CMIP: variants seen among roughly 807,000 people sequenced by gnomAD.
CMIP encodes the protein c-Maf inducing protein, also known as C-Maf-inducing protein.
CMIP carries 13 observed loss-of-function variants against 97.3 expected under a neutral mutation model. The ratio of observed to expected loss-of-function variants is 0.13; its 90% CI spans 0.09 to 0.21. The LOEUF (loss-of-function observed/expected upper bound fraction) is 0.21. CMIP is among the 10% of genes least tolerant of loss of function. The probability of loss-of-function intolerance (pLI) is 1.00; values close to 1 mark genes in which losing one functional copy is unlikely to be tolerated. For synonymous variants in CMIP, 538 were observed against 436.3 expected, an observed-to-expected ratio of 1.23 and a Z score of -2.91; for missense variants, 847 against 1,024.9, an observed-to-expected ratio of 0.83 and a Z score of 2.37.
intron 1 of CMIP, among the ~76,000 whole-genome samples, chr16:81,542,909 C>A (rs1314440695): frequency 6.6e-6 from 1 of 152,236 alleles, no homozygotes; most frequent in Admixed American, 6.5e-5. Flanking sequence ...GTCCCTAGCA[C>A]GGAAGAACAG....
In CMIP at chr16:81,678,635, G is replaced by C. The variant is rs1904532161; in HGVS notation, c.1388+7G>C. 1.5e-6 allele frequency: 2 copies of C among 1,369,286 alleles called. No homozygotes were observed. Among genetic ancestry groups the C allele is most frequent in the African/African-American group, 1.4e-5 (1 of 70,262 alleles). The allele number at this position is 1,369,286 out of a possible 1,614,324, so 84.8% of individuals were successfully genotyped here. On this transcript the variant is annotated splice_region_variant and intron_variant, in intron 10 of 20. Transcript: ENST00000537098. ...TGGAAATCCTCAAGCTGCTGTGAGT[G>C]CCCCCCCCGCGTGCCCGCCCCCGGG...
At position 81,568,039 on chromosome 16, in the gene CMIP, G is replaced by GTTT. The variant is rs1555531346; in HGVS notation, c.301-39509_301-39507dup. On this transcript the variant is annotated intron_variant, in intron 1 of 20. Coordinates refer to ENST00000537098, the MANE Select transcript of CMIP (RefSeq NM_198390.3). ...TGAGCTTTTCAGTGTGTGTGTGTGTGTTTTTTTTTTTTTTTTTTTTTGAAG... is the reference window on the plus strand; with the variant it reads ...TGAGCTTTTCAGTGTGTGTGTGTGTGTTTTTTTTTTTTTTTTTTTTTTTTGAAG... Among the ~76,000 whole-genome samples the GTTT allele has an allele frequency of 1.5e-4, 12 of 82,534 alleles. 1 individual carries two copies. Among genetic ancestry groups the GTTT allele is most frequent in the Admixed American group, 4.0e-4 (3 of 7,478 alleles). The allele number at this position is 82,534 out of a possible 152,430, so 54.1% of individuals were successfully genotyped here. A position where few individuals can be genotyped will look rare whatever the true frequency, so the allele number is the denominator to read the frequency against.
At chr16:81,545,372 T>A (rs2090526857) in intron 1 of CMIP, among the ~76,000 whole-genome samples, 1 of 152,126 alleles carries the variant, frequency 6.6e-6, no homozygotes, top group Admixed American at 6.5e-5. Flanking sequence ...CTTCTCGCAG[T>A]GAAGGAGCAG....
In CMIP at chr16:81,471,578, T is replaced by TACAC. The variant is rs59971597; in HGVS notation, c.300+26049_300+26052dup. Among the ~76,000 whole-genome samples, 385 of 151,580 alleles carry TACAC rather than the reference T, an allele frequency of 2.5e-3. 4 individuals are homozygous for TACAC. Among genetic ancestry groups the TACAC allele is most frequent in the African/African-American group, 8.4e-3 (348 of 41,332 alleles). On this transcript the variant is annotated intron_variant, in intron 1 of 20. Transcript: ENST00000537098. ...GTGCACACACACATGCATACACAAA[T>TACAC]ACACACACACACACAGTTATACAGT...
intron 1 of CMIP, among the ~76,000 whole-genome samples, chr16:81,474,735 TC>T (rs1211050218): frequency 1.3e-5 from 2 of 152,192 alleles, no homozygotes; most frequent in African/African-American, 2.4e-5. Flanking sequence ...CTCCTGGGGC[TC>T]CCTCTCCTCT....
Position 81,445,094 on chromosome 16 carries a change from C to T in CMIP, c.-148C>T, listed in dbSNP as rs1905742461. 6.4e-6 allele frequency: 2 copies of T among 310,804 alleles called. No individual in the cohort carries two copies. The highest frequency in any genetic ancestry group is 1.2e-5 in the Non-Finnish European group (2 of 172,388). The allele number at this position is 310,804 out of a possible 1,614,324, so 19.3% of individuals were successfully genotyped here. On this transcript the variant is annotated 5_prime_UTR_variant, in exon 1 of 21. Transcript: ENST00000537098. ...CGCGCCGCCCCCCGCGGGCAGCGCC[C>T]CCTCCCCTGCGGGCGCCCCCAGCCC...
intron 1 of CMIP, among the ~76,000 whole-genome samples, chr16:81,505,440 C>G (rs1261857047): frequency 1.3e-5 from 2 of 152,198 alleles, no homozygotes; most frequent in African/African-American, 4.8e-5. Flanking sequence ...TCCATTTGCA[C>G]CCTGGTTTTC....
chr16:81,601,109 C>T (rs2091649778), intron 1 of CMIP, among the ~76,000 whole-genome samples: 1 of 152,220 alleles, frequency 6.6e-6, no homozygotes, highest in Non-Finnish European at 1.5e-5. Context: ...CAGGGCCACA[C>T]ATGCCCCATG....
At chr16:81,690,365 C>T (rs976886041) in intron 10 of CMIP, among the ~76,000 whole-genome samples, 1 of 152,172 alleles carries the variant, frequency 6.6e-6, no homozygotes, top group Non-Finnish European at 1.5e-5. Context: ...TGAAGAGGTC[C>T]TTCACTTCCC....
intron 1 of CMIP, among the ~76,000 whole-genome samples, chr16:81,478,879 C>T (rs1908087554): frequency 6.6e-6 from 1 of 152,146 alleles, no homozygotes; most frequent in Non-Finnish European, 1.5e-5. Flanking sequence ...TCCCCACCTC[C>T]CAGCCAGAAA....
chr16:81,492,620 G>A (rs936072029), intron 1 of CMIP, among the ~76,000 whole-genome samples: 3 of 152,146 alleles, frequency 2.0e-5, no homozygotes, highest in African/African-American at 7.2e-5. Context: ...GCAGGCCCTC[G>A]AGAGGGCCTG....
At chr16:81,465,720 G>A (rs891167312) in intron 1 of CMIP, among the ~76,000 whole-genome samples, 1 of 152,244 alleles carries the variant, frequency 6.6e-6, no homozygotes, top group Non-Finnish European at 1.5e-5. Context: ...TGGTGACTGG[G>A]CAGAGTGACC....
chr16:81,665,593 A>C (rs1472918113), intron 7 of CMIP: 1 of 152,214 alleles, frequency 6.6e-6, no homozygotes, highest in Non-Finnish European at 1.5e-5. Context: ...GTACTGAGCC[A>C]GCCACCACGT....
intron 1 of CMIP, among the ~76,000 whole-genome samples, chr16:81,570,088 G>A (rs981550764): frequency 6.6e-6 from 1 of 152,176 alleles, no homozygotes; most frequent in Admixed American, 6.5e-5. Flanking sequence ...ATCAATGGGG[G>A]AAGGGGGATG....
intron 3 of CMIP, among the ~76,000 whole-genome samples, chr16:81,649,729 A>C (rs1366110727): frequency 6.6e-6 from 1 of 152,200 alleles, no homozygotes; most frequent in East Asian, 1.9e-4. Context: ...AGAAGAGTCC[A>C]CTTAGAGCCC....
chr16:81,451,658 A>T (rs910500664), intron 1 of CMIP, among the ~76,000 whole-genome samples: 1 of 152,118 alleles, frequency 6.6e-6, no homozygotes, highest in Non-Finnish European at 1.5e-5. Flanking sequence ...CCAACCAGGG[A>T]TCCCCCTCAG....
chr16:81,676,309 C>T lies in CMIP; in HGVS notation c.1035-1966C>T, dbSNP rs555451342. Reference sequence around the variant, plus strand: ...ACGTTTCGTGGGCTCAGGTCCATGACGCCCCCCTCAGCCAGTCCCTTCAAG... The same window carrying T: ...ACGTTTCGTGGGCTCAGGTCCATGATGCCCCCCTCAGCCAGTCCCTTCAAG... On this transcript the variant is annotated intron_variant, in intron 9 of 20. Transcript: ENST00000537098. Among the ~76,000 whole-genome samples, 138 of 152,042 alleles carry T rather than the reference C, an allele frequency of 9.1e-4. No homozygotes were observed. The Middle Eastern group carries it at 0.024, about 26-fold the overall frequency.
At chr16:81,567,824 C>T (rs901768698) in intron 1 of CMIP, among the ~76,000 whole-genome samples, 1 of 152,180 alleles carries the variant, frequency 6.6e-6, no homozygotes, top group East Asian at 1.9e-4. Flanking sequence ...TTATTCTGTT[C>T]ACTGCTGTAT....
In CMIP at chr16:81,678,312, G is replaced by A. The variant is rs993708481; in HGVS notation, c.1072G>A (p.Gly358Ser). Residue 358 changes from glycine to serine, a missense_variant, in exon 10 of 21, where the codon GGC becomes AGC. Around this residue, in one of 4 missense-constraint regions of CMIP, gnomAD observed 285 missense variants for 392.2 expected, o/e 0.73. Coordinates refer to ENST00000537098, the MANE Select transcript of CMIP (RefSeq NM_198390.3). ...NSPSLKEIRN[G>S]CQQPCDRKPT... The stretch of plus-strand genomic sequence containing the variant: ...CCCAAGCCTGAAGGAAATCCGGAAC[G>A]GCTGCCAGCAGCCGTGCGACCGGAA... 1 of 1,608,210 alleles carries A rather than the reference G, an allele frequency of 6.2e-7. No homozygotes were observed. Among genetic ancestry groups the A allele is most frequent in the African/African-American group, 1.3e-5 (1 of 74,944 alleles).
Sources: gnomAD v4.1 joint callset for allele counts (sites outside exome capture counted in the v4.1 genomes callset) on GRCh38, gnomAD v4.1.1 for gene constraint, gnomAD v4.1.1 regional missense constraint, MANE v1.5 for transcripts, NCBI Gene and HGNC (gene_info 2026-07-23, HGNC 2026-07-21) for gene names.